USP35: variants seen among roughly 807,000 people sequenced by gnomAD.
The protein encoded by USP35 is ubiquitin carboxyl-terminal hydrolase 35.
A neutral mutation model predicts 83.8 loss-of-function variants in USP35; 69 were observed. That is an observed-to-expected ratio of 0.82 (90% CI 0.68 to 1.01). USP35 has a LOEUF of 1.01. Among genes scored for constraint, USP35 ranks in the 50% least tolerant of loss-of-function variants. The pLI is 0.00. For missense variants in USP35, 1,503 were observed against 1,362.5 expected (o/e 1.10, Z -1.62); for synonymous variants, 714 against 589.5 (o/e 1.21, Z -3.06).
chr11:78,213,681 C>CATCTCTG lies in USP35; in HGVS notation c.2926_2932dup (p.Ala978AspfsTer15). The CATCTCTG allele has an allele frequency of 2.0e-6, 3 of 1,512,380 alleles. No individual in the cohort carries two copies. Among genetic ancestry groups the CATCTCTG allele is most frequent in the Non-Finnish European group, 1.8e-6 (2 of 1,138,504 alleles). The allele number at this position is 1,512,380 out of a possible 1,614,324, so 93.7% of individuals were successfully genotyped here. A position where few individuals can be genotyped will look rare whatever the true frequency, so the allele number is the denominator to read the frequency against. On this transcript the variant is annotated frameshift_variant, in exon 11 of 11. Coordinates refer to ENST00000529308, the MANE Select transcript of USP35 (RefSeq NM_020798.4). LOFTEE classifies it high-confidence loss of function. ...AGGAGGCCCGGAGCAGGGCGGCCTACATCTCTGCACTCCCCACATCTCCGC... is the reference window on the plus strand; with the variant it reads ...AGGAGGCCCGGAGCAGGGCGGCCTACATCTCTGATCTCTGCACTCCCCACATCTCCGC...
At chr11:78,193,349 G>A (rs936670339) in intron 1 of USP35, among the ~76,000 whole-genome samples, 17 of 151,324 alleles carry the variant, frequency 1.1e-4, no homozygotes, top group East Asian at 3.9e-4. Flanking sequence ...GAGACACTAC[G>A]CCTGGCTAAT....
chr11:78,219,437 G>A, downstream of USP35: 1 of 1,612,664 alleles, frequency 6.2e-7, no homozygotes, highest in Non-Finnish European at 8.5e-7. Context: ...GAGTGGGAAA[G>A]AGGGAGTAGC....
chr11:78,210,343 C>T lies in USP35; in HGVS notation c.2488C>T (p.Pro830Ser). Residue 830 changes from proline (P) to serine (S), a missense_variant, in exon 10 of 11, where the codon CCC becomes TCC. Pro to Ser is a moderately conservative substitution (Grantham distance 74). Coordinates refer to ENST00000529308, the MANE Select transcript of USP35 (RefSeq NM_020798.4). ...CAAGATCCTGGATGACGTCTCCATC[C>T]CCCTGCTGCTCCGCCTGCCACTGGC... ...RRKILDDVSIPLLLRLPLAGG... is the reference protein window; with the variant it reads ...RRKILDDVSISLLLRLPLAGG... The T allele has an allele frequency of 1.2e-6, 2 of 1,612,740 alleles. No homozygotes were observed. The highest frequency in any genetic ancestry group is 1.7e-6 in the Non-Finnish European group (2 of 1,179,834).
intron 1 of USP35, among the ~76,000 whole-genome samples, chr11:78,190,759 A>G (rs76983286): frequency 0.016 from 2,376 of 152,286 alleles, 62 homozygotes; most frequent in African/African-American, 0.046. Context: ...TGAGCTGGGC[A>G]TTGAAGGGTG....
In USP35 at chr11:78,214,351, CCCTTA is replaced by C. The variant is rs1390968459; in HGVS notation, c.*541_*545del. ...AGAAGAACAGAGACCGAGACCTGCC[CCCTTA>C]CCAAGCGCCACTGCATGGTTTTGGG... On this transcript the variant is annotated 3_prime_UTR_variant, in exon 11 of 11. Coordinates refer to ENST00000529308, the MANE Select transcript of USP35 (RefSeq NM_020798.4). 1.5e-5 allele frequency: 2 copies of C among 132,066 alleles called. No homozygotes were observed. Among genetic ancestry groups the C allele is most frequent in the Non-Finnish European group, 3.1e-5 (2 of 65,340 alleles). The allele number at this position is 132,066 out of a possible 1,614,324, so 8.2% of individuals were successfully genotyped here. A position where few individuals can be genotyped will look rare whatever the true frequency, so the allele number is the denominator to read the frequency against.
chr11:78,204,103 G>C (rs1194393269), intron 6 of USP35, among the ~76,000 whole-genome samples: 1 of 151,574 alleles, frequency 6.6e-6, no homozygotes, highest in Non-Finnish European at 1.5e-5. Context: ...TTTTAGCCGG[G>C]ATGGTCTCGA....
chr11:78,221,349 T>C, the USP35 span, among the ~76,000 whole-genome samples: 1 of 152,268 alleles, frequency 6.6e-6, no homozygotes, highest in East Asian at 1.9e-4. Flanking sequence ...ACTGAGGAGA[T>C]ACCTCCACCA....
In USP35 at chr11:78,209,511, C is replaced by T; in HGVS notation, c.1656C>T (p.Pro552=). 1 of 1,614,054 alleles carries T rather than the reference C, an allele frequency of 6.2e-7. No homozygotes were observed. Among genetic ancestry groups the T allele is most frequent in the South Asian group, 1.1e-5 (1 of 91,068 alleles). ...ICQKLKQSSS[P]SPPEEPPAPS... is the part of the protein sequence containing the mutation. ...AGAAACTCAAGCAGTCCAGCTCGCCCTCTCCGCCCGAGGAGCCCCCGGCCC... is the reference window on the plus strand; with the variant it reads ...AGAAACTCAAGCAGTCCAGCTCGCCTTCTCCGCCCGAGGAGCCCCCGGCCC... The change falls in exon 10 of 11, where the codon CCC becomes CCT. Residue 552 remains proline (P), a synonymous_variant. Coordinates refer to ENST00000529308, the MANE Select transcript of USP35 (RefSeq NM_020798.4).
the USP35 span, among the ~76,000 whole-genome samples, chr11:78,222,365 G>C: frequency 6.6e-6 from 1 of 152,054 alleles, no homozygotes; most frequent in South Asian, 2.1e-4. Flanking sequence ...ATATTGATGA[G>C]CCTTGAAGTC....
downstream of USP35, chr11:78,219,250 G>C: frequency 6.2e-7 from 1 of 1,610,780 alleles, no homozygotes; most frequent in African/African-American, 1.3e-5. Flanking sequence ...GCTGCCTCCT[G>C]GGCTCTGCGG....
rs572394340 is a variant in USP35, at chr11:78,210,648, C to T, written c.2793C>T (p.Pro931=). The T allele has an allele frequency of 2.1e-5, 34 of 1,613,964 alleles. No homozygotes were observed. The Middle Eastern group carries it at 8.3e-4, about 39-fold the overall frequency. The change falls in exon 10 of 11, where the codon CCC becomes CCT. Residue 931 remains proline (P), a synonymous_variant. Coordinates refer to ENST00000529308, the MANE Select transcript of USP35 (RefSeq NM_020798.4). ...ACCGGCAGCGGCCCAGGGAGGGGCCCGAGGCTGAGTTGGGCTCTTCTAGAG... is the reference window on the plus strand; with the variant it reads ...ACCGGCAGCGGCCCAGGGAGGGGCCTGAGGCTGAGTTGGGCTCTTCTAGAG... ...LFYRQRPREG[P]EAELGSSRVR...
At chr11:78,234,643 T>C in the USP35 span, among the ~76,000 whole-genome samples, 5,806 of 149,536 alleles carry the variant, frequency 0.039, 366 homozygotes, top group African/African-American at 0.13. Flanking sequence ...TATACATATA[T>C]GTATTTATAT....
chr11:78,198,144 G>T, intron 3 of USP35, 76 bp downstream of exon 3: 27 of 1,592,550 alleles, frequency 1.7e-5, no homozygotes, highest in Non-Finnish European at 2.3e-5. Context: ...CTTCTCCTGG[G>T]TGGGCCGCTG....
chr11:78,198,069 G>A lies in USP35; in HGVS notation c.806+1G>A. ...CGCAGATGCTGACTGCCATTAGCAGGTGGGACGCTGAGGCTGAGCCATGAT... is the reference window on the plus strand; with the variant it reads ...CGCAGATGCTGACTGCCATTAGCAGATGGGACGCTGAGGCTGAGCCATGAT... On this transcript the variant is annotated splice_donor_variant, in intron 3 of 10. Transcript: ENST00000529308. LOFTEE classifies it high-confidence loss of function. 6.2e-7 allele frequency: 1 copy of A among 1,614,192 alleles called. No homozygotes were observed. The highest frequency in any genetic ancestry group is 8.5e-7 in the Non-Finnish European group (1 of 1,180,016).
rs754725305 is a variant in USP35, at chr11:78,200,660, A to G, written c.1049A>G (p.His350Arg). ...GCTCTGCTCCCACAGCTCCTCCCTC[A>G]CATCCCCCCCATGGTGGCCTCTCTG... is the stretch of plus-strand genomic sequence containing the variant. ...SHEAFHLLLP[H>R]IPPMVASLVK... Residue 350 changes from histidine to arginine, a missense_variant, in exon 6 of 11, where the codon CAC becomes CGC. Physicochemically the swap from His to Arg is conservative, Grantham distance 29 (BLOSUM62 0). Transcript: ENST00000529308. The G allele has an allele frequency of 5.6e-6, 9 of 1,610,250 alleles. No homozygotes were observed. In the South Asian group the frequency reaches 9.9e-5, roughly 18 times the overall value.
intron 10 of USP35, among the ~76,000 whole-genome samples, chr11:78,212,683 C>T (rs1863833382): frequency 6.6e-6 from 1 of 152,164 alleles, no homozygotes. Flanking sequence ...CATGATTTGG[C>T]TCCCTGCTTC....
At chr11:78,203,065 A>G (rs1863406152) in intron 6 of USP35, among the ~76,000 whole-genome samples, 1 of 152,160 alleles carries the variant, frequency 6.6e-6, no homozygotes, top group African/African-American at 2.4e-5. Context: ...CAGGCTTTGC[A>G]CAGTAGGGGC....
At chr11:78,207,313 CT>C in intron 7 of USP35, 2 of 547,246 alleles carry the variant, frequency 3.7e-6, no homozygotes, top group Non-Finnish European at 6.6e-6. Context: ...CCTTCATTGT[CT>C]AAAACATGTC....
downstream of USP35, among the ~76,000 whole-genome samples, chr11:78,219,727 C>T (rs547249939): frequency 2.0e-4 from 30 of 152,276 alleles, no homozygotes; most frequent in African/African-American, 7.2e-4. Flanking sequence ...CTGCCTCCAC[C>T]CATCTCTGTC....
Sources: allele counts gnomAD v4.1 joint callset (sites outside exome capture counted in the v4.1 genomes callset), GRCh38; gene constraint gnomAD v4.1.1; transcripts MANE v1.5; gene names NCBI Gene and HGNC (gene_info 2026-07-23, HGNC 2026-07-21).